The following EDAR variants were observed in gnomAD, a reference collection of about 807,000 sequenced individuals.
The protein encoded by EDAR is tumor necrosis factor receptor superfamily member EDAR.
Under a neutral mutation model 51.3 loss-of-function variants are expected in EDAR, and 38 were observed. The ratio of observed to expected loss-of-function variants is 0.74; its 90% confidence interval spans 0.57 to 0.97. The LOEUF (loss-of-function observed/expected upper bound fraction) is 0.97. EDAR is among the 50% of genes least tolerant of loss of function. The probability of loss-of-function intolerance (pLI) is 0.00; values close to 1 mark genes in which losing one functional copy is unlikely to be tolerated. For missense variants in EDAR, 528 were observed against 595.0 expected, an observed-to-expected ratio of 0.89 and a Z score of 1.17; for synonymous variants, 227 against 242.1, an observed-to-expected ratio of 0.94 and a Z score of 0.58.
At chr2:108,905,349 G>T (rs557179111) in intron 11 of EDAR, among the ~76,000 whole-genome samples, 1 of 152,346 alleles carries the variant, frequency 6.6e-6, no homozygotes, top group Admixed American at 6.5e-5. Context: ...CCCAGGCCAT[G>T]CCAGGTGAGA....
chr2:108,917,953 C>T (rs969145386), intron 5 of EDAR, among the ~76,000 whole-genome samples: 7 of 151,988 alleles, frequency 4.6e-5, no homozygotes, highest in African/African-American at 1.7e-4. Flanking sequence ...AAACAAGCAC[C>T]TACTCTGCAT....
chr2:108,929,366 C>T lies in EDAR; in HGVS notation c.188G>A (p.Gly63Asp). The T allele has an allele frequency of 6.2e-7, 1 of 1,614,090 alleles. No homozygotes were observed. The highest frequency in any genetic ancestry group is 1.3e-5 in the African/African-American group (1 of 75,028). Residue 63 changes from glycine to aspartate, a missense_variant, in exon 4 of 12, where the codon GGC becomes GAC. Transcript: ENST00000258443. ...GEEPYLSCGY[G>D]TKDEDYGCVP... ...GCAGCCGTAGTCCTCGTCTTTGGTG[C>T]CGTAGCCACAGGACTGTCCAGGGAA... is the stretch of plus-strand genomic sequence containing the variant.
intron 1 of EDAR, among the ~76,000 whole-genome samples, chr2:108,980,981 T>TG (rs11448363): frequency 0.77 from 117,587 of 151,914 alleles, 47,041 homozygotes; most frequent in South Asian, 0.87. Context: ...GACTAGACCG[T>TG]GGGAATGACT....
intron 1 of EDAR, 78 bp from the exon 2 acceptor site, chr2:108,931,110 C>G: frequency 8.3e-7 from 1 of 1,197,666 alleles, no homozygotes; most frequent in Non-Finnish European, 1.2e-6. Context: ...TTTAACCCCA[C>G]TGGATATAAG....
intron 1 of EDAR, among the ~76,000 whole-genome samples, chr2:108,967,808 A>G (rs1698173253): frequency 6.6e-6 from 1 of 152,176 alleles, no homozygotes; most frequent in South Asian, 2.1e-4. Flanking sequence ...TTTAAAAGGA[A>G]AGTAAGAACC....
chr2:108,899,714 G>A lies in EDAR; in HGVS notation c.1025-2485C>T, dbSNP rs147935089. ...TAATAACACCAGTAAGGCTGGGCAC[G>A]GTGGCTCACACCTATAATCCAAGCA... On this transcript the variant is annotated intron_variant, in intron 11 of 11. Coordinates refer to ENST00000258443, the MANE Select transcript of EDAR (RefSeq NM_022336.4). Among the ~76,000 whole-genome samples the A allele has an allele frequency of 3.3e-5, 5 of 152,278 alleles. No individual in the cohort carries two copies. The East Asian group carries it at 5.8e-4, about 18-fold the overall frequency.
intron 1 of EDAR, among the ~76,000 whole-genome samples, chr2:108,981,481 C>T (rs989694702): frequency 3.9e-5 from 6 of 152,182 alleles, no homozygotes; most frequent in Admixed American, 6.5e-5. Context: ...CAAAGAGAAG[C>T]TTCCATTTTC....
intron 1 of EDAR, among the ~76,000 whole-genome samples, chr2:108,969,283 C>T (rs1368889603): frequency 1.3e-5 from 2 of 152,094 alleles, no homozygotes; most frequent in Non-Finnish European, 2.9e-5. Flanking sequence ...TAGATATGCA[C>T]TTTGATTCTG....
intron 1 of EDAR, among the ~76,000 whole-genome samples, chr2:108,968,210 C>T (rs1449905171): frequency 6.6e-6 from 1 of 152,174 alleles, no homozygotes; most frequent in African/African-American, 2.4e-5. Context: ...CCAGCTGCAT[C>T]AGCATCGCCA....
chr2:108,919,812 C>T (rs1697102322), intron 5 of EDAR, among the ~76,000 whole-genome samples: 1 of 152,232 alleles, frequency 6.6e-6, no homozygotes, highest in African/African-American at 2.4e-5. Context: ...GAAGCTGCCT[C>T]ATGGGGAGCC....
chr2:108,912,864 C>T (rs1356080989), intron 5 of EDAR, 100 bp from the exon 6 acceptor site: 1 of 998,986 alleles, frequency 1.0e-6, no homozygotes, highest in Non-Finnish European at 1.5e-6. Flanking sequence ...CATGAATGGG[C>T]CTGAGGCAGT....
At chr2:108,980,040 C>T (rs1331127537) in intron 1 of EDAR, among the ~76,000 whole-genome samples, 3 of 135,256 alleles carry the variant, frequency 2.2e-5, no homozygotes, top group Non-Finnish European at 4.5e-5. Context: ...TATCAGTGAC[C>T]ATGGACACAC....
chr2:108,907,859 C>A lies in EDAR; in HGVS notation c.963+1G>T. On this transcript the variant is annotated splice_donor_variant, in intron 10 of 11. Transcript: ENST00000258443. LOFTEE classifies it high-confidence loss of function. Reference sequence around the variant, plus strand: ...CATCATGGCACCTGCAGGAGCCTCACCCCGGCTGACTTGTTGCTGGTGGCA... The same window carrying A: ...CATCATGGCACCTGCAGGAGCCTCAACCCGGCTGACTTGTTGCTGGTGGCA... The A allele has an allele frequency of 6.2e-7, 1 of 1,613,496 alleles. No individual in the cohort carries two copies. The highest frequency in any genetic ancestry group is 8.5e-7 in the Non-Finnish European group (1 of 1,180,010).
rs1282111226 is a variant in EDAR at position 108,970,854 on chromosome 2, A to T, written c.-19+18106T>A. Among the ~76,000 whole-genome samples, 2 of 152,220 alleles carry T rather than the reference A, an allele frequency of 1.3e-5. 1 individual carries two copies. Among genetic ancestry groups the T allele is most frequent in the Non-Finnish European group, 2.9e-5 (2 of 68,028 alleles). On this transcript the variant is annotated intron_variant, in intron 1 of 11. Coordinates refer to ENST00000258443, the MANE Select transcript of EDAR (RefSeq NM_022336.4). ...AAGCAGGCTCACTAAACAAATGTTT[A>T]ACCTGGGGAATAGTCTACAGGACTG...
intron 5 of EDAR, among the ~76,000 whole-genome samples, chr2:108,921,263 T>C (rs1236881997): frequency 6.6e-6 from 1 of 152,124 alleles, no homozygotes; most frequent in African/African-American, 2.4e-5. Flanking sequence ...GACACTGACC[T>C]GGGCTCACTC....
At chr2:108,922,181 G>C (rs1289285121) in intron 5 of EDAR, among the ~76,000 whole-genome samples, 1 of 152,230 alleles carries the variant, frequency 6.6e-6, no homozygotes, top group East Asian at 1.9e-4. Flanking sequence ...TCCTCTCCCA[G>C]GTTCCACAGG....
At chr2:108,951,355 A>G (rs1344802700) in intron 1 of EDAR, among the ~76,000 whole-genome samples, 1 of 152,244 alleles carries the variant, frequency 6.6e-6, no homozygotes, top group East Asian at 1.9e-4. Context: ...CTGAACCATC[A>G]GTTATTTCTG....
chr2:108,961,839 C>T (rs1698053294), intron 1 of EDAR, among the ~76,000 whole-genome samples: 1 of 152,190 alleles, frequency 6.6e-6, no homozygotes, highest in Non-Finnish European at 1.5e-5. Context: ...TTGCTTCACA[C>T]TAATGGCCCC....
At position 108,973,151 on chromosome 2, in the gene EDAR, T is replaced by C. The variant is rs1698264967; in HGVS notation, c.-19+15809A>G. Among the ~76,000 whole-genome samples the C allele has an allele frequency of 3.9e-5, 6 of 152,288 alleles. No homozygotes were observed. The South Asian group carries it at 1.2e-3, about 32-fold the overall frequency. ...AATGGCACCCGCCACCATGTCCCAC[T>C]AATTTTTTGTATTTTTAGTAGAGAT... On this transcript the variant is annotated intron_variant, in intron 1 of 11. Transcript: ENST00000258443.
Sources: allele counts gnomAD v4.1 joint callset (sites outside exome capture counted in the v4.1 genomes callset), GRCh38; gene constraint gnomAD v4.1.1; transcripts MANE v1.5; gene names NCBI Gene and HGNC (gene_info 2026-07-23, HGNC 2026-07-21).